CYB5R2: variants seen among roughly 807,000 people sequenced by gnomAD.
CYB5R2 encodes the protein cytochrome b5 reductase 2, also known as NADH-cytochrome b5 reductase 2.
A neutral mutation model predicts 29.8 loss-of-function variants in CYB5R2; 35 were observed. That is an observed-to-expected ratio of 1.17 (90% CI 0.90 to 1.56). The LOEUF (loss-of-function observed/expected upper bound fraction) is 1.56, where lower values mean the gene tolerates loss of function less well. Ranked by LOEUF, CYB5R2 falls within the 40% of genes most tolerant of loss-of-function variation. The probability of loss-of-function intolerance (pLI) is 0.00; values close to 1 mark genes in which losing one functional copy is unlikely to be tolerated. For synonymous variants in CYB5R2, 169 were observed against 130.6 expected, an observed-to-expected ratio of 1.29 and a Z score of -2.01; for missense variants, 419 against 346.7, an observed-to-expected ratio of 1.21 and a Z score of -1.66.
chr11:7,669,369 A>G (rs1440611766), intron 4 of CYB5R2, 35 bp from the exon 5 acceptor site: 1 of 1,587,582 alleles, frequency 6.3e-7, no homozygotes, highest in Non-Finnish European at 8.6e-7. Flanking sequence ...TCACATTCCC[A>G]GACACAATGC....
intron 6 of CYB5R2, 146 bp downstream of exon 6, chr11:7,668,332 T>TC (rs1330020883): frequency 1.3e-6 from 1 of 752,308 alleles, no homozygotes; most frequent in Admixed American, 1.8e-5. Context: ...AGGGTCAGTT[T>TC]CAAGACCTGT....
At chr11:7,669,164 T>C (rs183821192) in intron 5 of CYB5R2, 41 bp downstream of exon 5, 2 of 1,613,246 alleles carry the variant, frequency 1.2e-6, no homozygotes, top group Admixed American at 1.7e-5. Context: ...TGCAGGAATC[T>C]TCCTCCCAGC....
Position 7,672,296 on chromosome 11 carries a change from C to T in CYB5R2, c.151+155G>A, listed in dbSNP as rs569415177. On this transcript the variant is annotated intron_variant, in intron 3 of 8. Coordinates refer to ENST00000299498, the MANE Select transcript of CYB5R2 (RefSeq NM_016229.5). ...AGAAAAGAAATTTTCTGTCCCACAT[C>T]CATCCCCCTATCTATCTCCCTGAGC... is the stretch of plus-strand genomic sequence containing the variant. 14 of 624,840 alleles carry T rather than the reference C, an allele frequency of 2.2e-5. No homozygotes were observed. The South Asian group carries it at 2.3e-4, about 10-fold the overall frequency. The allele number at this position is 624,840 out of a possible 1,614,324, so 38.7% of individuals were successfully genotyped here.
chr11:7,667,222 A>C (rs1056053415), intron 7 of CYB5R2: 1 of 152,238 alleles, frequency 6.6e-6, no homozygotes, highest in African/African-American at 2.4e-5. Flanking sequence ...AACTGAAAAC[A>C]GCCTGAATGT....
At chr11:7,666,573 A>G in intron 7 of CYB5R2, 23 bp from the exon 8 acceptor site, 3 of 1,579,046 alleles carry the variant, frequency 1.9e-6, no homozygotes, top group Non-Finnish European at 1.7e-6. Flanking sequence ...CAACACTGAA[A>G]AAGCCCCTCC....
At chr11:7,672,394 G>T (rs1335551586) in intron 3 of CYB5R2, 57 bp downstream of exon 3, 10 of 1,473,936 alleles carry the variant, frequency 6.8e-6, no homozygotes, top group Non-Finnish European at 9.5e-7. Context: ...TCTGTTAAGA[G>T]AGGAGGGCCT....
chr11:7,673,599 G>T (rs1855896624), upstream of CYB5R2: 5 of 984,914 alleles, frequency 5.1e-6, no homozygotes, highest in South Asian at 1.9e-4. Context: ...CCAACCTCCC[G>T]GTCGGACGTT....
chr11:7,671,350 T>G (rs868389652), intron 3 of CYB5R2: 12 of 152,326 alleles, frequency 7.9e-5, no homozygotes, highest in African/African-American at 2.9e-4. Context: ...AGCAGCGAAC[T>G]CTGAGGCCTC....
At position 7,667,833 on chromosome 11, in the gene CYB5R2, C is replaced by G. The variant is rs765621990; in HGVS notation, c.473-20G>C. The G allele has an allele frequency of 2.5e-6, 4 of 1,608,130 alleles. No individual in the cohort carries two copies. The African/African-American group carries it at 5.3e-5, about 21-fold the overall frequency. On this transcript the variant is annotated intron_variant, in intron 6 of 8. Transcript: ENST00000299498. Reference sequence around the variant, plus strand: ...TGATGCCTGGAACACAGTGAGCGAGCAGCCAGCTTTCTCCCTGTCTCTGAA... The same window carrying G: ...TGATGCCTGGAACACAGTGAGCGAGGAGCCAGCTTTCTCCCTGTCTCTGAA...
chr11:7,673,761 G>GT, upstream of CYB5R2: 1 of 953,556 alleles, frequency 1.0e-6, no homozygotes. Flanking sequence ...GGGTTGGCCG[G>GT]GGGCCGCTCC....
At position 7,665,850 on chromosome 11, in the gene CYB5R2, C is replaced by T. The variant is rs1284649387; in HGVS notation, c.659-304G>A. On this transcript the variant is annotated intron_variant, in intron 8 of 8. Coordinates refer to ENST00000299498, the MANE Select transcript of CYB5R2 (RefSeq NM_016229.5). Reference sequence around the variant, plus strand: ...ACCGAGGTGTGTGAATCAGTACAGCCAGCTGGAGTTGTCCGGCAGGGTGTG... The same window carrying T: ...ACCGAGGTGTGTGAATCAGTACAGCTAGCTGGAGTTGTCCGGCAGGGTGTG... The T allele has an allele frequency of 4.6e-6, 7 of 1,535,726 alleles. No homozygotes were observed. The African/African-American group carries it at 9.6e-5, about 21-fold the overall frequency.
At chr11:7,667,333 G>GAA (rs200214286) in intron 7 of CYB5R2, 319 of 145,920 alleles carry the variant, frequency 2.2e-3, no homozygotes, top group Middle Eastern at 0.011. Context: ...AATGCTGAGT[G>GAA]AAAAAAAAAA....
chr11:7,673,687 C>T (rs1356877153), upstream of CYB5R2: 1 of 984,946 alleles, frequency 1.0e-6, no homozygotes, highest in Non-Finnish European at 1.2e-6. Context: ...TTCTTCAATA[C>T]TCCATAAATA....
chr11:7,669,409 T>G, intron 4 of CYB5R2, 75 bp from the exon 5 acceptor site: 1 of 1,514,256 alleles, frequency 6.6e-7, no homozygotes, highest in Non-Finnish European at 8.9e-7. Flanking sequence ...AAAATGCATT[T>G]ACTGCTGGAA....
chr11:7,666,563 C>A lies in CYB5R2; in HGVS notation c.559-13G>T, dbSNP rs771387314. On this transcript the variant is annotated splice_polypyrimidine_tract_variant and intron_variant, in intron 7 of 8. Transcript: ENST00000299498. ...TATCCTCCTCTGTCTAGAAAAGAAG[C>A]AACACTGAAAAAGCCCCTCCAGGGC... The A allele has an allele frequency of 2.5e-6, 4 of 1,602,586 alleles. No individual in the cohort carries two copies. In the South Asian group the frequency reaches 3.3e-5, roughly 13 times the overall value.
In CYB5R2 at chr11:7,665,971, T is replaced by A. The variant is rs553860415; in HGVS notation, c.659-425A>T. 8,861 of 1,484,650 alleles carry A rather than the reference T, an allele frequency of 6.0e-3. 27 individuals carry two copies. Among genetic ancestry groups the A allele is most frequent in the Non-Finnish European group, 7.2e-3 (7,871 of 1,099,884 alleles). 92.0% of individuals were successfully genotyped at this position (1,484,650 alleles called of 1,614,324 possible). On this transcript the variant is annotated intron_variant, in intron 8 of 8. Coordinates refer to ENST00000299498, the MANE Select transcript of CYB5R2 (RefSeq NM_016229.5). ...GACAAGCAGGTACAGCCGGGAGCAG[T>A]GTGAGAGGCGCGCCTGTGGGGTGCT...
rs764313347 is a variant in CYB5R2, at chr11:7,669,724, A to G, written c.159T>C (p.Tyr53=). The change falls in exon 4 of 9, where the codon TAT becomes TAC. Residue 53 remains tyrosine, a synonymous_variant. Transcript: ENST00000299498. ...DHVLGLPVGN[Y]VQLLAKIDNE... Reference sequence around the variant, plus strand: ...TATCGATTTTTGCCAAGAGCTGGACATAGTTACCTATAGAAAAGGCATCAA... The same window carrying G: ...TATCGATTTTTGCCAAGAGCTGGACGTAGTTACCTATAGAAAAGGCATCAA... 9.4e-5 allele frequency: 151 copies of G among 1,612,380 alleles called. No individual in the cohort carries two copies. Among genetic ancestry groups the G allele is most frequent in the Non-Finnish European group, 2.5e-6 (3 of 1,178,466 alleles).
rs935995840 is a variant in CYB5R2, at chr11:7,671,951, A to C, written c.151+500T>G. ...TGACCTTGGGGGCAGGGCACACCTG[A>C]CTCATTCCTGCCTACCCGCACATTC... On this transcript the variant is annotated intron_variant, in intron 3 of 8. Transcript: ENST00000299498. 20 of 155,538 alleles carry C rather than the reference A, an allele frequency of 1.3e-4. No individual in the cohort carries two copies. The South Asian group carries it at 1.8e-3, about 14-fold the overall frequency. 9.6% of individuals were successfully genotyped at this position (155,538 alleles called of 1,614,324 possible).
In CYB5R2 at chr11:7,667,787, G is replaced by A. The variant is rs149733078; in HGVS notation, c.499C>T (p.Arg167Cys). 1.2e-5 allele frequency: 19 copies of A among 1,614,036 alleles called. 2 individuals are homozygous for A. Among genetic ancestry groups the A allele is most frequent in the South Asian group, 8.8e-5 (8 of 91,074 alleles). ...TCACTGGGGTCCTTGGTGATGTGGCGAATGAGCTGCAACATGGGTGTGATG... is the reference window on the plus strand; with the variant it reads ...TCACTGGGGTCCTTGGTGATGTGGCAAATGAGCTGCAACATGGGTGTGATG... ...TGITPMLQLI[R>C]HITKDPSDRT... The change falls in exon 7 of 9, where the codon CGC becomes TGC. Residue 167 changes from arginine to cysteine, a missense_variant. Transcript: ENST00000299498.
Sources: gnomAD v4.1 joint callset for allele counts on GRCh38, gnomAD v4.1.1 for gene constraint, MANE v1.5 for transcripts, NCBI Gene and HGNC (gene_info 2026-07-23, HGNC 2026-07-21) for gene names.